The following ACSM6 variants were observed in gnomAD, a reference collection of about 807,000 sequenced individuals.
ACSM6 encodes the protein acyl-CoA synthetase medium chain family member 6.
ACSM6 carries 35 observed loss-of-function variants against 51.1 expected under a neutral mutation model. That is an observed-to-expected ratio of 0.69 (90% confidence interval 0.52 to 0.91). The LOEUF (loss-of-function observed/expected upper bound fraction) is 0.91, where lower values mean the gene tolerates loss of function less well. Among genes scored for constraint, ACSM6 ranks in the 40% least tolerant of loss-of-function variants. The pLI is 0.00. For missense variants in ACSM6, 509 were observed against 584.1 expected, an observed-to-expected ratio of 0.87 and a Z score of 1.32; for synonymous variants, 172 against 207.3, an observed-to-expected ratio of 0.83 and a Z score of 1.46.
In ACSM6 at chr10:95,222,405, T is replaced by A. The variant is rs1372007963; in HGVS notation, c.1200+2434T>A. Among the ~76,000 whole-genome samples, 4 of 152,210 alleles carry A rather than the reference T, an allele frequency of 2.6e-5. No homozygotes were observed. The East Asian group carries it at 7.7e-4, about 29-fold the overall frequency. ...TGGGAGGCCAAGGTGGGCAGATCAC[T>A]TGAGGCCAGGAGTTCGAGACCAGCC... On this transcript the variant is annotated intron_variant, in intron 9 of 10. Transcript: ENST00000341686.
chr10:95,223,450 C>A (rs954168257), intron 9 of ACSM6, among the ~76,000 whole-genome samples: 1 of 152,040 alleles, frequency 6.6e-6, no homozygotes, highest in African/African-American at 2.4e-5. Flanking sequence ...AAAATACCAG[C>A]CAACCTAACA....
At chr10:95,207,501 G>A (rs1461501446) in intron 4 of ACSM6, 86 bp downstream of exon 4, 3 of 1,386,172 alleles carry the variant, frequency 2.2e-6, no homozygotes, top group East Asian at 2.3e-5. Flanking sequence ...TGGTGTGAGT[G>A]GTCAGAATGA....
At chr10:95,225,388 C>T in exon 10 of ACSM6, 1 of 1,529,656 alleles carries the variant, frequency 6.5e-7, no homozygotes, top group South Asian at 1.2e-5. Flanking sequence ...ACTGTCCACA[C>T]ATGGTAAGAA....
chr10:95,194,725 G>C, intron 2 of ACSM6, 48 bp downstream of exon 2: 1 of 1,471,864 alleles, frequency 6.8e-7, no homozygotes, highest in Non-Finnish European at 9.2e-7. Flanking sequence ...AAGGCCAGTT[G>C]GTAAAGCGTC....
chr10:95,209,562 G>A (rs2034874903), intron 4 of ACSM6, among the ~76,000 whole-genome samples: 1 of 152,076 alleles, frequency 6.6e-6, no homozygotes, highest in Non-Finnish European at 1.5e-5. Flanking sequence ...CCATGGTGGT[G>A]GCAATGGAGA....
chr10:95,209,258 A>G (rs1218251543), intron 4 of ACSM6, among the ~76,000 whole-genome samples: 3 of 152,146 alleles, frequency 2.0e-5, no homozygotes, highest in African/African-American at 7.2e-5. Context: ...CTGAGGTGGG[A>G]GCGAGCTTAA....
At chr10:95,212,026 G>A (rs778695444) in exon 6 of ACSM6, 2 of 1,613,986 alleles carry the variant, frequency 1.2e-6, no homozygotes, top group East Asian at 2.2e-5. Context: ...CCCTGAGACT[G>A]TTCTAAATGT....
rs549004911 is a variant in ACSM6, at chr10:95,214,748, C to G, written c.996-104C>G. ...TCAACCACCACTTAATGAGCATTTC[C>G]TGTATTGGAATAACTGCATCATTTT... On this transcript the variant is annotated intron_variant, in intron 7 of 10. Coordinates refer to ENST00000341686, the Ensembl canonical transcript of ACSM6. 4 of 1,300,564 alleles carry G rather than the reference C, an allele frequency of 3.1e-6. No individual in the cohort carries two copies. The South Asian group carries it at 4.5e-5, about 15-fold the overall frequency. The allele number at this position is 1,300,564 out of a possible 1,614,324, so 80.6% of individuals were successfully genotyped here.
chr10:95,228,449 A>T, intron 10 of ACSM6, 195 bp from the exon 11 acceptor site: 5 of 486,012 alleles, frequency 1.0e-5, no homozygotes, highest in Non-Finnish European at 1.4e-5. Flanking sequence ...AAAAAAAAAA[A>T]GCTGAAGTTA....
intron 7 of ACSM6, 58 bp from the exon 8 acceptor site, chr10:95,214,794 A>G: frequency 6.6e-7 from 1 of 1,520,768 alleles, no homozygotes; most frequent in Non-Finnish European, 8.9e-7. Context: ...TTTCTAACAG[A>G]CCTGTTATTG....
intron 5 of ACSM6, among the ~76,000 whole-genome samples, chr10:95,211,405 T>A (rs916682157): frequency 6.6e-6 from 1 of 152,206 alleles, no homozygotes; most frequent in Non-Finnish European, 1.5e-5. Flanking sequence ...CTTAGACAAA[T>A]GGTTGTGTGT....
chr10:95,204,469 G>A (rs1031508769), intron 3 of ACSM6, among the ~76,000 whole-genome samples: 8 of 152,030 alleles, frequency 5.3e-5, no homozygotes, highest in East Asian at 1.9e-4. Context: ...CAGGAGAATC[G>A]CTTGAACCCG....
At chr10:95,194,917 C>A (rs2034711075) in intron 2 of ACSM6, among the ~76,000 whole-genome samples, 1 of 152,158 alleles carries the variant, frequency 6.6e-6, no homozygotes, top group African/African-American at 2.4e-5. Flanking sequence ...CCTTCTAGGA[C>A]CTTAGTTTTG....
chr10:95,227,696 T>A (rs56264187), intron 10 of ACSM6, among the ~76,000 whole-genome samples: 8 of 152,204 alleles, frequency 5.3e-5, no homozygotes, highest in African/African-American at 1.9e-4. Flanking sequence ...TTATTAGAAC[T>A]CTAACAAGCA....
intron 7 of ACSM6, among the ~76,000 whole-genome samples, chr10:95,214,029 A>C (rs746353833): frequency 1.3e-5 from 2 of 152,204 alleles, no homozygotes; most frequent in Non-Finnish European, 2.9e-5. Flanking sequence ...TAAACCCTTA[A>C]AAGCACTTAA....
At chr10:95,219,568 T>C (rs1470201235) in intron 8 of ACSM6, among the ~76,000 whole-genome samples, 1 of 152,250 alleles carries the variant, frequency 6.6e-6, no homozygotes, top group Admixed American at 6.5e-5. Flanking sequence ...TTTTAATCTA[T>C]GAATTTCCTC....
chr10:95,224,995 T>G (rs1423991937), intron 9 of ACSM6, among the ~76,000 whole-genome samples: 1 of 152,222 alleles, frequency 6.6e-6, no homozygotes, highest in Non-Finnish European at 1.5e-5. Flanking sequence ...AGGTGCACTT[T>G]AAATCTCTGA....
Position 95,207,423 on chromosome 10 carries a change from G to C in ACSM6, c.611+8G>C. 1.9e-6 allele frequency: 3 copies of C among 1,605,998 alleles called. No homozygotes were observed. The highest frequency in any genetic ancestry group is 1.1e-5 in the South Asian group (1 of 90,944). On this transcript the variant is annotated splice_region_variant and intron_variant, in intron 4 of 10. Transcript: ENST00000341686. Reference sequence around the variant, plus strand: ...TTTCAAGAAGTTGATTCAGTAAGTGGACACTGAATATGAGATGCTTAAATG... The same window carrying C: ...TTTCAAGAAGTTGATTCAGTAAGTGCACACTGAATATGAGATGCTTAAATG...
At chr10:95,200,552 GA>G (rs1296922765) in intron 2 of ACSM6, among the ~76,000 whole-genome samples, 2 of 120,698 alleles carry the variant, frequency 1.7e-5, no homozygotes, top group Admixed American at 8.4e-5. Context: ...ATGAAAAGAA[GA>G]AGAAAGAAGA....
Sources: gnomAD v4.1 joint callset for allele counts (sites outside exome capture counted in the v4.1 genomes callset) on GRCh38, gnomAD v4.1.1 for gene constraint, MANE v1.5 for transcripts, NCBI Gene and HGNC (gene_info 2026-07-23, HGNC 2026-07-21) for gene names.